Variants in MTMR12 observed in about 807,000 individuals in gnomAD.
The protein encoded by MTMR12 is myotubularin related protein 12, also known as myotubularin-related protein 12.
A neutral mutation model predicts 96.7 loss-of-function variants in MTMR12; 33 were observed. The observed-to-expected ratio is 0.34, with a 90% confidence interval of 0.26 to 0.46. MTMR12 has a LOEUF of 0.46. Among genes scored for constraint, MTMR12 ranks in the 20% least tolerant of loss-of-function variants. The probability of loss-of-function intolerance (pLI) is 1.00; values close to 1 mark genes in which losing one functional copy is unlikely to be tolerated. For synonymous variants in MTMR12, 298 were observed against 327.2 expected (o/e 0.91, Z 0.96); for missense variants, 721 against 896.1 (o/e 0.80, Z 2.49).
chr5:32,281,267 A>G (rs916172301), intron 1 of MTMR12, among the ~76,000 whole-genome samples: 1 of 150,324 alleles, frequency 6.7e-6, no homozygotes, highest in Non-Finnish European at 1.5e-5. Flanking sequence ...AAAAAAAACA[A>G]AAAAAACTGT....
rs1292896921 is a variant in MTMR12, at chr5:32,227,486, A to G, written c.*2292T>C. Reference sequence around the variant, plus strand: ...TAATTTTAAAAAATCATAGAAAAATATGTCAATGCACATTCAACTGCTATG... The same window carrying G: ...TAATTTTAAAAAATCATAGAAAAATGTGTCAATGCACATTCAACTGCTATG... On this transcript the variant is annotated 3_prime_UTR_variant, in exon 16 of 16. Transcript: ENST00000382142. The G allele has an allele frequency of 6.5e-6, 1 of 152,690 alleles. No individual in the cohort carries two copies. The highest frequency in any genetic ancestry group is 1.5e-5 in the Non-Finnish European group (1 of 68,052). 9.5% of individuals were successfully genotyped at this position (152,690 alleles called of 1,614,324 possible). A position where few individuals can be genotyped will look rare whatever the true frequency, so the allele number is the denominator to read the frequency against.
intron 1 of MTMR12, among the ~76,000 whole-genome samples, chr5:32,302,484 C>T (rs774468694): frequency 6.6e-5 from 10 of 151,968 alleles, no homozygotes; most frequent in African/African-American, 1.2e-4. Flanking sequence ...TTTGGGAAGC[C>T]GAGGTGGGTA....
intron 1 of MTMR12, among the ~76,000 whole-genome samples, chr5:32,288,638 T>TA (rs1189589763): frequency 2.6e-5 from 4 of 152,178 alleles, no homozygotes; most frequent in Admixed American, 6.5e-5. Flanking sequence ...AGAAGGAACA[T>TA]AGAGTTGGAT....
intron 12 of MTMR12, among the ~76,000 whole-genome samples, chr5:32,241,229 G>T (rs1748459292): frequency 6.6e-6 from 1 of 152,132 alleles, no homozygotes; most frequent in South Asian, 2.1e-4. Context: ...CACACTTAAG[G>T]CAACTCTCTC....
intron 1 of MTMR12, among the ~76,000 whole-genome samples, chr5:32,282,499 T>C (rs1211566450): frequency 6.6e-6 from 1 of 151,688 alleles, no homozygotes; most frequent in Admixed American, 6.6e-5. Context: ...GAGTATCTAA[T>C]CCTTTCTGGT....
At chr5:32,276,054 C>T (rs1042040923) in intron 2 of MTMR12, among the ~76,000 whole-genome samples, 3 of 152,144 alleles carry the variant, frequency 2.0e-5, no homozygotes, top group Admixed American at 6.5e-5. Context: ...ATACATGGAT[C>T]ACAGAATATC....
chr5:32,243,479 T>C (rs776478312), intron 11 of MTMR12, 42 bp downstream of exon 11: 12 of 1,414,130 alleles, frequency 8.5e-6, no homozygotes, highest in Admixed American at 5.2e-5. Context: ...CCCTGAGTTA[T>C]ACAATTACAA....
chr5:32,285,278 A>G (rs2112117194), intron 1 of MTMR12, among the ~76,000 whole-genome samples: 1 of 151,988 alleles, frequency 6.6e-6, no homozygotes, highest in African/African-American at 2.4e-5. Context: ...GAATTCCTTG[A>G]ACCTGGGAGA....
chr5:32,230,478 C>G (rs1220303729), intron 15 of MTMR12, 131 bp from the exon 16 acceptor site: 7 of 820,960 alleles, frequency 8.5e-6, no homozygotes, highest in Non-Finnish European at 1.3e-5. Flanking sequence ...CATGTGAATG[C>G]ACACTCATTA....
intron 12 of MTMR12, among the ~76,000 whole-genome samples, chr5:32,240,455 ACT>A (rs1420019131): frequency 5.9e-5 from 9 of 151,766 alleles, no homozygotes; most frequent in South Asian, 4.2e-4. Context: ...TATTGTGATA[ACT>A]CTTTCATCCT....
In MTMR12 at chr5:32,230,045, G is replaced by T. The variant is rs963548257; in HGVS notation, c.1977C>A (p.Ala659=). ...TCATTTCCAAGAGTTTGCTCAGAGT[G>T]GCCACTTGGCCACCACCTAGGATTT... is the stretch of plus-strand genomic sequence containing the variant. The part of the protein sequence containing the change: ...EAQILGGGQV[A]TLSKLLEMME... Residue 659 remains alanine, a synonymous_variant, in exon 16 of 16, where the codon GCC becomes GCA. Transcript: ENST00000382142. 1.9e-6 allele frequency: 3 copies of T among 1,613,422 alleles called. No individual in the cohort carries two copies. The highest frequency in any genetic ancestry group is 2.5e-6 in the Non-Finnish European group (3 of 1,179,438).
chr5:32,232,582 C>T (rs149560699), intron 15 of MTMR12, among the ~76,000 whole-genome samples: 352 of 152,356 alleles, frequency 2.3e-3, no homozygotes, highest in African/African-American at 8.2e-3. Flanking sequence ...TGGCACAGGG[C>T]AGTTTCTCTG....
chr5:32,266,199 CGT>C (rs1749585590), intron 6 of MTMR12, among the ~76,000 whole-genome samples: 1 of 151,928 alleles, frequency 6.6e-6, no homozygotes, highest in South Asian at 2.1e-4. Flanking sequence ...TATGACTTTA[CGT>C]TTTTGTTTTG....
rs150164918 is a variant in MTMR12 at position 32,297,331 on chromosome 5, A to T, written c.81+15427T>A. 1.2e-3 allele frequency among the ~76,000 whole-genome samples: 178 copies of T among 152,274 alleles called. 1 individual carries two copies. The East Asian group carries it at 0.028, about 24-fold the overall frequency. On this transcript the variant is annotated intron_variant, in intron 1 of 15. Transcript: ENST00000382142. ...TTCCCCACTCAATCCCTCTGTTTAC[A>T]TTGTACCTCTAACCCTAGGCAACCA...
chr5:32,284,616 AAGGGTCTAG>A (rs1250272501), intron 1 of MTMR12, among the ~76,000 whole-genome samples: 3 of 152,138 alleles, frequency 2.0e-5, no homozygotes, highest in Non-Finnish European at 4.4e-5. Flanking sequence ...AGTTTTACAG[AAGGGTCTAG>A]AGTTGCCCTT....
In MTMR12 at chr5:32,284,153, T is replaced by A. The variant is rs532496894; in HGVS notation, c.82-7411A>T. On this transcript the variant is annotated intron_variant, in intron 1 of 15. Transcript: ENST00000382142. Reference sequence around the variant, plus strand: ...CAAACCCCATTTCCACAAAAAAAAATTTTTTTTTTTTTTAATTAGCCAGGC... The same window carrying A: ...CAAACCCCATTTCCACAAAAAAAAAATTTTTTTTTTTTTAATTAGCCAGGC... Among the ~76,000 whole-genome samples the A allele has an allele frequency of 9.7e-3, 1,392 of 143,708 alleles. 14 individuals are homozygous for A. The highest frequency in any genetic ancestry group is 0.032 in the African/African-American group (1,259 of 39,510). 94.3% of individuals were successfully genotyped at this position (143,708 alleles called of 152,430 possible). A position where few individuals can be genotyped will look rare whatever the true frequency, so the allele number is the denominator to read the frequency against.
intron 1 of MTMR12, among the ~76,000 whole-genome samples, chr5:32,309,424 G>A (rs1751493377): frequency 6.6e-6 from 1 of 152,098 alleles, no homozygotes; most frequent in African/African-American, 2.4e-5. Flanking sequence ...ACAAAATGAA[G>A]AGATAACCCA....
intron 8 of MTMR12, among the ~76,000 whole-genome samples, chr5:32,251,759 G>A (rs1488505308): frequency 1.3e-5 from 2 of 152,096 alleles, no homozygotes; most frequent in Non-Finnish European, 2.9e-5. Flanking sequence ...CCCATGGAAC[G>A]GGACTCCAAA....
intron 6 of MTMR12, among the ~76,000 whole-genome samples, chr5:32,264,463 C>CTT (rs766108483): frequency 4.9e-5 from 7 of 144,122 alleles, no homozygotes; most frequent in Non-Finnish European, 7.7e-5. Context: ...GAGCATATTA[C>CTT]TTTTTTTTTT....
Sources: gnomAD v4.1 joint callset for allele counts (sites outside exome capture counted in the v4.1 genomes callset) on GRCh38, gnomAD v4.1.1 for gene constraint, MANE v1.5 for transcripts, NCBI Gene and HGNC (gene_info 2026-07-23, HGNC 2026-07-21) for gene names.